The following TULP3 variants were observed in gnomAD, a reference collection of about 807,000 sequenced individuals.
TULP3 encodes TUB like protein 3.
Under a neutral mutation model 50.7 loss-of-function variants are expected in TULP3, and 38 were observed. The observed-to-expected ratio is 0.75, with a 90% CI of 0.58 to 0.98. The LOEUF (loss-of-function observed/expected upper bound fraction) is 0.98, where lower values mean the gene tolerates loss of function less well. TULP3 is among the 50% of genes least tolerant of loss of function. The pLI is 0.00. For synonymous variants in TULP3, 183 were observed against 196.6 expected (o/e 0.93, Z 0.58); for missense variants, 550 against 568.0 (o/e 0.97, Z 0.32).
chr12:2,932,555 G>A (rs922267621), intron 6 of TULP3, among the ~76,000 whole-genome samples: 3 of 149,894 alleles, frequency 2.0e-5, no homozygotes, highest in Non-Finnish European at 4.4e-5. Context: ...ACTCTAGCCT[G>A]GGTGACAGAG....
intron 3 of TULP3, among the ~76,000 whole-genome samples, chr12:2,921,377 G>A (rs1227617299): frequency 6.6e-6 from 1 of 152,076 alleles, no homozygotes; most frequent in Non-Finnish European, 1.5e-5. Flanking sequence ...CCTGACCCAG[G>A]TGATCCACCC....
In TULP3 at chr12:2,940,966, G is replaced by T. The variant is rs557785737; in HGVS notation, c.*1522G>T. 4.1e-6 allele frequency: 2 copies of T among 493,748 alleles called. No individual in the cohort carries two copies. Among genetic ancestry groups the T allele is most frequent in the East Asian group, 6.7e-5 (2 of 29,884 alleles). 30.6% of individuals were successfully genotyped at this position (493,748 alleles called of 1,614,324 possible). Reference sequence around the variant, plus strand: ...AGCTATTAATACACGACAGCATGTGGGGAAGGACTTATGGTGGGCCAGGTG... The same window carrying T: ...AGCTATTAATACACGACAGCATGTGTGGAAGGACTTATGGTGGGCCAGGTG... On this transcript the variant is annotated 3_prime_UTR_variant, in exon 11 of 11. Transcript: ENST00000448120.
chr12:2,915,291 A>C (rs1326234789), intron 2 of TULP3, among the ~76,000 whole-genome samples: 1 of 152,162 alleles, frequency 6.6e-6, no homozygotes, highest in Non-Finnish European at 1.5e-5. Flanking sequence ...CGCCCAGCCC[A>C]GAATGGATTT....
intron 1 of TULP3, among the ~76,000 whole-genome samples, chr12:2,907,573 G>A (rs913294364): frequency 1.6e-4 from 25 of 151,750 alleles, no homozygotes; most frequent in Admixed American, 4.6e-4. Context: ...GCTTGAACCC[G>A]GGAGGCGGAG....
intron 1 of TULP3, among the ~76,000 whole-genome samples, chr12:2,904,441 ACTC>A (rs2098181072): frequency 6.6e-6 from 1 of 151,520 alleles, no homozygotes; most frequent in East Asian, 2.0e-4. Flanking sequence ...GGGCTCAAGC[ACTC>A]CTCCTACCTC....
At chr12:2,913,122 A>G (rs1042882454) in intron 2 of TULP3, among the ~76,000 whole-genome samples, 1 of 151,836 alleles carries the variant, frequency 6.6e-6, no homozygotes. Context: ...TCTGTGATTT[A>G]GAGCCATTCT....
chr12:2,928,445 G>T (rs546621668), intron 4 of TULP3, among the ~76,000 whole-genome samples: 21 of 152,160 alleles, frequency 1.4e-4, no homozygotes, highest in African/African-American at 4.8e-4. Flanking sequence ...CAGGAGAATC[G>T]CTTGAACCTA....
intron 4 of TULP3, among the ~76,000 whole-genome samples, chr12:2,927,366 A>ATTTTTTTTTTTTTTTTTT (rs71057864): frequency 1.3e-4 from 14 of 105,184 alleles, no homozygotes; most frequent in African/African-American, 1.6e-4. Context: ...GTTGAGACTG[A>ATTTTTTTTTTTTTTTTTT]TTTTTTTTTT....
At position 2,939,571 on chromosome 12, in the gene TULP3, T is replaced by C. The variant is rs2098203484; in HGVS notation, c.*127T>C. ...TGCCCCTTTTGGAATGATCTCTGAA[T>C]ATATAAAACACACACACAAAGAGCA... On this transcript the variant is annotated 3_prime_UTR_variant, in exon 11 of 11. Transcript: ENST00000448120. The surrounding 1 kb of genome is among the most constrained non-coding windows in gnomAD (Gnocchi z 4.0). 8.0e-7 allele frequency: 1 copy of C among 1,252,372 alleles called. No individual in the cohort carries two copies. The highest frequency in any genetic ancestry group is 1.1e-6 in the Non-Finnish European group (1 of 925,996). 77.6% of individuals were successfully genotyped at this position (1,252,372 alleles called of 1,614,324 possible). A position where few individuals can be genotyped will look rare whatever the true frequency, so the allele number is the denominator to read the frequency against.
At chr12:2,934,363 G>A in intron 7 of TULP3, 84 bp from the exon 8 acceptor site, 1 of 818,434 alleles carries the variant, frequency 1.2e-6, no homozygotes, top group Non-Finnish European at 1.8e-6. Context: ...CAGGCAAATA[G>A]GCTTCCATTT....
chr12:2,922,998 C>G (rs910024636), intron 4 of TULP3, among the ~76,000 whole-genome samples: 2 of 151,868 alleles, frequency 1.3e-5, no homozygotes, highest in African/African-American at 4.8e-5. Context: ...GGACTACAGG[C>G]GCCCGCCACC....
chr12:2,929,054 CTT>C (rs34681559), intron 4 of TULP3, among the ~76,000 whole-genome samples: 22 of 148,620 alleles, frequency 1.5e-4, no homozygotes, highest in Admixed American at 2.7e-4. Context: ...AAAAAGTACA[CTT>C]TTTTTTTTTT....
intron 4 of TULP3, among the ~76,000 whole-genome samples, chr12:2,924,704 T>C (rs1156784800): frequency 7.0e-6 from 1 of 142,708 alleles, no homozygotes; most frequent in African/African-American, 2.6e-5. Context: ...AAAAAAAAAA[T>C]TGGGTTGGGT....
chr12:2,934,536 G>T lies in TULP3; in HGVS notation c.899G>T (p.Arg300Leu), dbSNP rs761187853. The change falls in exon 8 of 11, where the codon CGG becomes CTG. Residue 300 changes from arginine (R) to leucine (L), a missense_variant. Physicochemically the swap from Arg to Leu is moderately radical, Grantham distance 102. Transcript: ENST00000448120. ...GGTTTGGTAGGAGCGGCCCACACCC[G>T]GCAGGAGCTGGCTGCCATCTCCTAT... ...GRGLVGAAHT[R>L]QELAAISYET... The T allele has an allele frequency of 6.3e-7, 1 of 1,593,630 alleles. No homozygotes were observed. The highest frequency in any genetic ancestry group is 8.5e-7 in the Non-Finnish European group (1 of 1,170,380).
intron 1 of TULP3, among the ~76,000 whole-genome samples, chr12:2,892,517 CCT>C (rs1491193132): frequency 6.6e-6 from 1 of 151,902 alleles, no homozygotes; most frequent in African/African-American, 2.4e-5. Context: ...GCTTTTCCTT[CCT>C]TTTTTTTTTC....
chr12:2,937,040 A>G (rs1194883137), intron 8 of TULP3, among the ~76,000 whole-genome samples: 1 of 150,644 alleles, frequency 6.6e-6, no homozygotes, highest in Non-Finnish European at 1.5e-5. Flanking sequence ...TGGAGATTGG[A>G]GGTTGCAGTG....
intron 1 of TULP3, among the ~76,000 whole-genome samples, chr12:2,908,857 T>TA (rs3214293): frequency 0.48 from 72,558 of 151,902 alleles, 17,795 homozygotes; most frequent in African/African-American, 0.6. Flanking sequence ...CATCCATACT[T>TA]ACAGTCCTCC....
At chr12:2,922,503 A>G (rs1591532789) in intron 4 of TULP3, 101 bp downstream of exon 4, 1 of 1,467,932 alleles carries the variant, frequency 6.8e-7, no homozygotes, top group African/African-American at 1.4e-5. Flanking sequence ...ACTGAAAATG[A>G]CTCATGGCTT....
chr12:2,926,147 A>G (rs1290703374), intron 4 of TULP3, among the ~76,000 whole-genome samples: 2 of 152,202 alleles, frequency 1.3e-5, no homozygotes, highest in African/African-American at 4.8e-5. Flanking sequence ...GCATAGTAAT[A>G]GGTGAAGATA....
Sources: allele counts gnomAD v4.1 joint callset (sites outside exome capture counted in the v4.1 genomes callset), GRCh38; gene constraint gnomAD v4.1.1; non-coding constraint Gnocchi (gnomAD v3.1); transcripts MANE v1.5; gene names NCBI Gene and HGNC (gene_info 2026-07-23, HGNC 2026-07-21).